Variants in PRDM5 observed in about 807,000 individuals in gnomAD.
PRDM5 encodes the protein PR domain zinc finger protein 5.
Under a neutral mutation model 81.2 loss-of-function variants are expected in PRDM5, and 56 were observed. The ratio of observed to expected loss-of-function variants is 0.69; its 90% CI spans 0.56 to 0.86. The LOEUF (loss-of-function observed/expected upper bound fraction) is 0.86. Among genes scored for constraint, PRDM5 ranks in the 40% least tolerant of loss-of-function variants. PRDM5 has a pLI of 0.00. For synonymous variants in PRDM5, 267 were observed against 256.4 expected, an observed-to-expected ratio of 1.04 and a Z score of -0.39; for missense variants, 697 against 770.1, an observed-to-expected ratio of 0.91 and a Z score of 1.12.
chr4:120,793,805 A>G (rs1309920552), intron 10 of PRDM5, among the ~76,000 whole-genome samples: 1 of 152,246 alleles, frequency 6.6e-6, no homozygotes, highest in Non-Finnish European at 1.5e-5. Context: ...CACTACAAAA[A>G]AAGATAACGT....
At chr4:120,769,964 C>T (rs1214786745) in intron 13 of PRDM5, among the ~76,000 whole-genome samples, 1 of 152,150 alleles carries the variant, frequency 6.6e-6, no homozygotes, top group Non-Finnish European at 1.5e-5. Flanking sequence ...ACTTAAGTGG[C>T]AGCTGCATCT....
Position 120,887,004 on chromosome 4 carries a change from G to A in PRDM5, c.177+20470C>T, listed in dbSNP as rs199942643. 3.0e-4 allele frequency among the ~76,000 whole-genome samples: 45 copies of A among 151,358 alleles called. No individual in the cohort carries two copies. The East Asian group carries it at 5.8e-3, about 20-fold the overall frequency. ...TTTGTTGACCAAGCTGGAGTGCAGT[G>A]GCCTGATCTCGGCTCACTGCAACCT... On this transcript the variant is annotated intron_variant, in intron 2 of 15. Coordinates refer to ENST00000264808, the MANE Select transcript of PRDM5 (RefSeq NM_018699.4).
chr4:120,863,191 T>TATACACAC (rs1553997193), intron 2 of PRDM5, among the ~76,000 whole-genome samples: 6,150 of 68,904 alleles, frequency 0.089, 358 homozygotes, highest in Non-Finnish European at 0.13. Flanking sequence ...TATATATATA[T>TATACACAC]ACACACACAC....
intron 8 of PRDM5, among the ~76,000 whole-genome samples, chr4:120,800,805 CATT>C (rs1458687112): frequency 6.6e-6 from 1 of 152,018 alleles, no homozygotes; most frequent in Admixed American, 6.6e-5. Context: ...TATCTCATCA[CATT>C]ATGTTGTATA....
At chr4:120,721,472 A>T (rs2149058021) in intron 14 of PRDM5, among the ~76,000 whole-genome samples, 1 of 152,272 alleles carries the variant, frequency 6.6e-6, no homozygotes, top group South Asian at 2.1e-4. Flanking sequence ...AAGCATTGTA[A>T]TGATAATAAC....
At chr4:120,743,289 A>T (rs1430395105) in intron 14 of PRDM5, among the ~76,000 whole-genome samples, 3,909 of 146,146 alleles carry the variant, frequency 0.027, 112 homozygotes, top group African/African-American at 0.07. Flanking sequence ...GCACTAAACA[A>T]GGAAAGGAAC....
chr4:120,823,328 T>C (rs1454980204), intron 3 of PRDM5, among the ~76,000 whole-genome samples: 1 of 152,192 alleles, frequency 6.6e-6, no homozygotes, highest in Non-Finnish European at 1.5e-5. Flanking sequence ...AAAATTTTCA[T>C]ATACCAGCTA....
At chr4:120,743,066 C>G (rs1221182174) in intron 14 of PRDM5, among the ~76,000 whole-genome samples, 1 of 151,900 alleles carries the variant, frequency 6.6e-6, no homozygotes, top group Non-Finnish European at 1.5e-5. Context: ...GCCCATCAGA[C>G]TAATAGCGGA....
At chr4:120,748,633 C>CCT (rs1001348571) in intron 14 of PRDM5, among the ~76,000 whole-genome samples, 1 of 149,698 alleles carries the variant, frequency 6.7e-6, no homozygotes, top group African/African-American at 2.5e-5. Flanking sequence ...AGAGCAAGAC[C>CCT]CTCTCTCTCA....
chr4:120,705,451 T>C (rs541630229), intron 15 of PRDM5, among the ~76,000 whole-genome samples: 1 of 152,014 alleles, frequency 6.6e-6, no homozygotes, highest in Non-Finnish European at 1.5e-5. Context: ...GAGCAGGCCA[T>C]GAAGGAACCG....
intron 1 of PRDM5, among the ~76,000 whole-genome samples, chr4:120,919,878 C>A (rs978935716): frequency 6.6e-6 from 1 of 152,118 alleles, no homozygotes; most frequent in Non-Finnish European, 1.5e-5. Context: ...GAACTCAGGT[C>A]TCCTTTTTCT....
chr4:120,871,668 T>G (rs566946350), intron 2 of PRDM5, among the ~76,000 whole-genome samples: 1 of 152,260 alleles, frequency 6.6e-6, no homozygotes, highest in South Asian at 2.1e-4. Flanking sequence ...TCATCATATA[T>G]GCATTTAATC....
intron 2 of PRDM5, among the ~76,000 whole-genome samples, chr4:120,892,392 A>G (rs1406950453): frequency 6.6e-6 from 1 of 152,126 alleles, no homozygotes; most frequent in Non-Finnish European, 1.5e-5. Context: ...TCAATGATCT[A>G]ATACTGTCAA....
intron 14 of PRDM5, among the ~76,000 whole-genome samples, chr4:120,732,613 A>C (rs1275532305): frequency 6.6e-6 from 1 of 151,980 alleles, no homozygotes; most frequent in Non-Finnish European, 1.5e-5. Context: ...AAAATTTTTT[A>C]AACAGGTAAT....
intron 1 of PRDM5, among the ~76,000 whole-genome samples, chr4:120,918,622 C>CTTTA (rs778731967): frequency 1.4e-5 from 2 of 143,890 alleles, no homozygotes; most frequent in East Asian, 4.0e-4. Context: ...ACCTTTAAGC[C>CTTTA]TTTACGTCAG....
intron 14 of PRDM5, among the ~76,000 whole-genome samples, chr4:120,729,193 C>G (rs977850812): frequency 6.6e-6 from 1 of 152,080 alleles, no homozygotes; most frequent in African/African-American, 2.4e-5. Context: ...AAAATGATAC[C>G]ATGTTCTTAG....
intron 8 of PRDM5, among the ~76,000 whole-genome samples, chr4:120,811,131 T>C (rs1244987101): frequency 6.6e-6 from 1 of 152,070 alleles, no homozygotes; most frequent in South Asian, 2.1e-4. Flanking sequence ...AATAATAAAA[T>C]ATAGTATGAA....
chr4:120,734,065 T>A (rs574591605), intron 14 of PRDM5, among the ~76,000 whole-genome samples: 1 of 152,036 alleles, frequency 6.6e-6, no homozygotes, highest in East Asian at 1.9e-4. Context: ...AGCATGGTCA[T>A]CCTTAGGAGA....
At chr4:120,767,011 G>C (rs1042445840) in intron 13 of PRDM5, among the ~76,000 whole-genome samples, 1 of 152,142 alleles carries the variant, frequency 6.6e-6, no homozygotes. Flanking sequence ...ATGCGAACAA[G>C]GGGGAAGAAG....
Sources: allele counts gnomAD v4.1 joint callset (sites outside exome capture counted in the v4.1 genomes callset), GRCh38; gene constraint gnomAD v4.1.1; transcripts MANE v1.5; gene names NCBI Gene and HGNC (gene_info 2026-07-23, HGNC 2026-07-21).